RBBP4: variants seen among roughly 807,000 people sequenced by gnomAD.
RBBP4 encodes RB binding protein 4, chromatin remodeling factor, also known as histone-binding protein RBBP4.
In RBBP4, 3 loss-of-function variants were observed where a neutral mutation model predicts 57.2. That is an observed-to-expected ratio of 0.05 (90% CI 0.02 to 0.14). RBBP4 has a LOEUF of 0.14. Ranked by LOEUF, RBBP4 falls within the 10% of genes least tolerant of loss-of-function variation. The pLI is 1.00. For synonymous variants in RBBP4, 151 were observed against 171.5 expected (o/e 0.88, Z 0.93); for missense variants, 107 against 520.6 (o/e 0.21, Z 7.73).
intron 11 of RBBP4, among the ~76,000 whole-genome samples, chr1:32,676,122 CTGTGA>C (rs1389987781): frequency 2.0e-5 from 3 of 152,118 alleles, no homozygotes; most frequent in African/African-American, 7.2e-5. Flanking sequence ...CTACAGTGGG[CTGTGA>C]TCACACCACT....
At chr1:32,663,018 T>C (rs1648491300) in intron 3 of RBBP4, among the ~76,000 whole-genome samples, 1 of 152,022 alleles carries the variant, frequency 6.6e-6, no homozygotes, top group African/African-American at 2.4e-5. Context: ...AATTAAAAAG[T>C]GATGTCTCTA....
At chr1:32,659,820 A>G (rs1239792049) in intron 3 of RBBP4, among the ~76,000 whole-genome samples, 2 of 152,220 alleles carry the variant, frequency 1.3e-5, no homozygotes, top group East Asian at 1.9e-4. Flanking sequence ...GTAGACCATA[A>G]TTAACTATTC....
At chr1:32,662,884 T>C (rs909663971) in intron 3 of RBBP4, among the ~76,000 whole-genome samples, 17 of 151,866 alleles carry the variant, frequency 1.1e-4, no homozygotes, top group African/African-American at 3.9e-4. Context: ...CTTGGAAGGC[T>C]GATGCAGTAG....
intron 3 of RBBP4, among the ~76,000 whole-genome samples, chr1:32,666,583 C>T (rs780553316): frequency 6.6e-6 from 1 of 152,110 alleles, no homozygotes; most frequent in African/African-American, 2.4e-5. Context: ...TCTCGAACTC[C>T]TGACCTCAGG....
rs146950569 is a variant in RBBP4 at position 32,676,629 on chromosome 1, G to A, written c.1213-3011G>A. On this transcript the variant is annotated intron_variant, in intron 11 of 11. Transcript: ENST00000373493. Reference sequence around the variant, plus strand: ...CTCCATCTCAAAAAAAAAAAAAAAAGAAAAAGAAAAGCTGTTTGCTAAAAT... The same window carrying A: ...CTCCATCTCAAAAAAAAAAAAAAAAAAAAAAGAAAAGCTGTTTGCTAAAAT... 8.7e-4 allele frequency among the ~76,000 whole-genome samples: 28 copies of A among 32,366 alleles called. 1 individual carries two copies. The highest frequency in any genetic ancestry group is 0.013 in the Middle Eastern group (1 of 76). The allele number at this position is 32,366 out of a possible 152,430, so 21.2% of individuals were successfully genotyped here.
At chr1:32,677,484 AAACAAAAAAC>A in intron 11 of RBBP4, among the ~76,000 whole-genome samples, 2 of 151,140 alleles carry the variant, frequency 1.3e-5, no homozygotes, top group Admixed American at 1.3e-4. Flanking sequence ...AAAAAAAACA[AAACAAAAAAC>A]AAACAAAAAA....
chr1:32,654,542 C>A (rs1449606803), intron 2 of RBBP4, among the ~76,000 whole-genome samples: 1 of 152,176 alleles, frequency 6.6e-6, no homozygotes, highest in Non-Finnish European at 1.5e-5. Context: ...TTTTCAGAAA[C>A]TTCCCAAGTA....
rs914716665 is a variant in RBBP4, at chr1:32,683,425, G to A, written c.*3720G>A. On this transcript the variant is annotated 3_prime_UTR_variant, in exon 12 of 12. Coordinates refer to ENST00000373493, the MANE Select transcript of RBBP4 (RefSeq NM_005610.3). Reference sequence around the variant, plus strand: ...TTTCTCTGCTATTATAAGGAAAACTGAGAATAGCAGGTGGGTAGGGTAGGA... The same window carrying A: ...TTTCTCTGCTATTATAAGGAAAACTAAGAATAGCAGGTGGGTAGGGTAGGA... 2.0e-5 allele frequency: 3 copies of A among 152,246 alleles called. No individual in the cohort carries two copies. The highest frequency in any genetic ancestry group is 7.2e-5 in the African/African-American group (3 of 41,428). The allele number at this position is 152,246 out of a possible 1,614,324, so 9.4% of individuals were successfully genotyped here.
At chr1:32,651,594 G>C in intron 1 of RBBP4, 1 of 942,142 alleles carries the variant, frequency 1.1e-6, no homozygotes, top group Non-Finnish European at 1.5e-6. Flanking sequence ...CCTCTGTCCC[G>C]AGCGTGGGGA....
In RBBP4 at chr1:32,684,078, A is replaced by G; in HGVS notation, c.*4373A>G. The G allele has an allele frequency of 1.2e-6, 2 of 1,613,362 alleles. No individual in the cohort carries two copies. Among genetic ancestry groups the G allele is most frequent in the Non-Finnish European group, 1.7e-6 (2 of 1,180,004 alleles). Reference sequence around the variant, plus strand: ...ATCAGCCTGTTCCAGGCTCTTGGGTAGTAGCATAGCCCTTTAAAAAGAGAG... The same window carrying G: ...ATCAGCCTGTTCCAGGCTCTTGGGTGGTAGCATAGCCCTTTAAAAAGAGAG... On this transcript the variant is annotated 3_prime_UTR_variant, in exon 12 of 12. Coordinates refer to ENST00000373493, the MANE Select transcript of RBBP4 (RefSeq NM_005610.3).
At chr1:32,671,399 A>AG (rs1557858673) in intron 8 of RBBP4, among the ~76,000 whole-genome samples, 4 of 152,180 alleles carry the variant, frequency 2.6e-5, no homozygotes, top group Admixed American at 2.6e-4. Context: ...CCTGACCAAC[A>AG]TGGTGAAACC....
chr1:32,671,216 A>G (rs1401921748), intron 8 of RBBP4, among the ~76,000 whole-genome samples: 2 of 152,232 alleles, frequency 1.3e-5, no homozygotes, highest in African/African-American at 2.4e-5. Flanking sequence ...GTTATTGTAT[A>G]TGTCATCTGT....
At chr1:32,671,455 C>T (rs989198456) in intron 8 of RBBP4, among the ~76,000 whole-genome samples, 10 of 152,032 alleles carry the variant, frequency 6.6e-5, no homozygotes, top group Non-Finnish European at 4.4e-5. Context: ...TGGTGGTGCA[C>T]GCCTGTAATC....
chr1:32,683,608 CAA>C lies in RBBP4; in HGVS notation c.*3904_*3905del, dbSNP rs2148542580. On this transcript the variant is annotated 3_prime_UTR_variant, in exon 12 of 12. Transcript: ENST00000373493. ...GGTTATCCCCTTGTCATTAGGCACACAAGGGTTTTTTGTTGTTTTTGTTTTTT... is the reference window on the plus strand; with the variant it reads ...GGTTATCCCCTTGTCATTAGGCACACGGGTTTTTTGTTGTTTTTGTTTTTT... The C allele has an allele frequency of 6.3e-6, 1 of 157,734 alleles. No individual in the cohort carries two copies. Among genetic ancestry groups the C allele is most frequent in the East Asian group, 1.9e-4 (1 of 5,334 alleles). The allele number at this position is 157,734 out of a possible 1,614,324, so 9.8% of individuals were successfully genotyped here.
intron 11 of RBBP4, among the ~76,000 whole-genome samples, chr1:32,673,894 C>T (rs1273337823): frequency 3.9e-5 from 6 of 152,064 alleles, no homozygotes; most frequent in South Asian, 4.1e-4. Context: ...GTCAGGAGAT[C>T]GAGACCATCC....
chr1:32,660,339 G>A (rs749111188), intron 3 of RBBP4, among the ~76,000 whole-genome samples: 5 of 152,072 alleles, frequency 3.3e-5, no homozygotes, highest in Non-Finnish European at 5.9e-5. Context: ...CTCCTTATGG[G>A]CTCAAACGAT....
intron 2 of RBBP4, chr1:32,652,398 T>A (rs897028395): frequency 1.4e-5 from 3 of 207,854 alleles, no homozygotes. Context: ...ACACTTGGAA[T>A]CCGAGCACTT....
chr1:32,674,151 T>C (rs1648997259), intron 11 of RBBP4, among the ~76,000 whole-genome samples: 4 of 152,194 alleles, frequency 2.6e-5, no homozygotes, highest in South Asian at 2.1e-4. Flanking sequence ...TGGTTATGGT[T>C]AATGCAGTGT....
At chr1:32,670,718 G>A (rs1250507982) in intron 8 of RBBP4, among the ~76,000 whole-genome samples, 1 of 152,166 alleles carries the variant, frequency 6.6e-6, no homozygotes. Context: ...GATTACAGGC[G>A]TAAGCCACCA....
Sources: gnomAD v4.1 joint callset for allele counts (sites outside exome capture counted in the v4.1 genomes callset) on GRCh38, gnomAD v4.1.1 for gene constraint, MANE v1.5 for transcripts, NCBI Gene and HGNC (gene_info 2026-07-23, HGNC 2026-07-21) for gene names.